SEC14L1: variants seen among roughly 807,000 people sequenced by gnomAD.
The protein encoded by SEC14L1 is SEC14 like lipid binding 1, also known as SEC14-like protein 1.
A neutral mutation model predicts 85.3 loss-of-function variants in SEC14L1; 48 were observed. The observed-to-expected ratio is 0.56, with a 90% CI of 0.45 to 0.72. SEC14L1 has a LOEUF of 0.72. Ranked by LOEUF, SEC14L1 falls within the 30% of genes least tolerant of loss-of-function variation. The pLI, the probability that SEC14L1 is intolerant of heterozygous loss-of-function variation, is 0.00. For missense variants in SEC14L1, 682 were observed against 921.4 expected, an observed-to-expected ratio of 0.74 and a Z score of 3.36; for synonymous variants, 391 against 355.5, an observed-to-expected ratio of 1.10 and a Z score of -1.12.
Position 77,213,579 on chromosome 17 carries a change from G to A in SEC14L1, c.2042+87G>A, listed in dbSNP as rs759463774. On this transcript the variant is annotated intron_variant, in intron 16 of 16. Coordinates refer to ENST00000436233, the MANE Select transcript of SEC14L1 (RefSeq NM_001143998.2). This position sits in a 1 kb window ranked among gnomAD's most constrained non-coding sequence, Gnocchi z 7.1. ...CAGTCCCACGCCGTGTGCAGGATCA[G>A]CAGTGGCGGCGGGTGTCAGGAATGC... The A allele has an allele frequency of 5.3e-6, 8 of 1,504,490 alleles. No individual in the cohort carries two copies. The highest frequency in any genetic ancestry group is 1.4e-5 in the African/African-American group (1 of 73,048). The allele number at this position is 1,504,490 out of a possible 1,614,324, so 93.2% of individuals were successfully genotyped here. A position where few individuals can be genotyped will look rare whatever the true frequency, so the allele number is the denominator to read the frequency against.
chr17:77,202,928 T>TAAAAAAAA (rs1452299295), intron 9 of SEC14L1, among the ~76,000 whole-genome samples: 13 of 82,986 alleles, frequency 1.6e-4, no homozygotes, highest in East Asian at 4.3e-4. Context: ...CTAAAAAAAA[T>TAAAAAAAA]AAAAAAATAA....
chr17:77,100,569 TG>T (rs1000060374), intron 3 of SEC14L1, among the ~76,000 whole-genome samples: 5 of 151,614 alleles, frequency 3.3e-5, no homozygotes, highest in African/African-American at 1.2e-4. Context: ...CCAGAGTAGC[TG>T]GGACTACAGG....
chr17:77,136,034 G>A (rs1422998905), upstream of SEC14L1, among the ~76,000 whole-genome samples: 2 of 146,594 alleles, frequency 1.4e-5, no homozygotes, highest in Non-Finnish European at 3.0e-5. Flanking sequence ...CACCACGCCC[G>A]GCTAATTTTT....
intron 3 of SEC14L1, among the ~76,000 whole-genome samples, chr17:77,166,140 T>A (rs78021156): frequency 6.6e-6 from 1 of 152,156 alleles, no homozygotes; most frequent in East Asian, 1.9e-4. Context: ...GAGATCTTGC[T>A]ATGTTGCCCA....
intron 13 of SEC14L1, among the ~76,000 whole-genome samples, chr17:77,207,795 C>A (rs1290993645): frequency 3.3e-5 from 5 of 152,190 alleles, no homozygotes; most frequent in Non-Finnish European, 7.3e-5. Flanking sequence ...AAGTGGTTCT[C>A]AACATACGTT....
chr17:77,207,476 G>A (rs1976525221), intron 13 of SEC14L1, among the ~76,000 whole-genome samples: 1 of 151,696 alleles, frequency 6.6e-6, no homozygotes, highest in Non-Finnish European at 1.5e-5. Flanking sequence ...TCTTGAGATG[G>A]AGTCTTGCTC....
In SEC14L1 at chr17:77,213,463, C is replaced by T; in HGVS notation, c.2013C>T (p.Tyr671=). 4 of 1,611,718 alleles carry T rather than the reference C, an allele frequency of 2.5e-6. No homozygotes were observed. The highest frequency in any genetic ancestry group is 3.4e-6 in the Non-Finnish European group (4 of 1,180,034). Residue 671 remains tyrosine, a synonymous_variant, in exon 16 of 17, where the codon TAC becomes TAT. Transcript: ENST00000436233. This position sits in a 1 kb window ranked among gnomAD's most constrained non-coding sequence, Gnocchi z 7.1. ...CGCACAAGTGTAAAGTGATGTACTA[C>T]ACCGAGGTGATCGGCTCGGAGGATT... ...VSSHKCKVMY[Y]TEVIGSEDFR...
At chr17:77,098,598 G>A (rs1256852658) in intron 3 of SEC14L1, among the ~76,000 whole-genome samples, 1 of 152,146 alleles carries the variant, frequency 6.6e-6, no homozygotes, top group African/African-American at 2.4e-5. Context: ...TGAGCCACAT[G>A]TCCTGCAGTA....
At chr17:77,174,548 G>C (rs912028229) in intron 3 of SEC14L1, among the ~76,000 whole-genome samples, 1 of 152,168 alleles carries the variant, frequency 6.6e-6, no homozygotes, top group African/African-American at 2.4e-5. Flanking sequence ...GAGTTACCTG[G>C]TCACTGTGGT....
chr17:77,214,224 A>G lies in SEC14L1; in HGVS notation c.*201A>G, dbSNP rs1046170781. The G allele has an allele frequency of 2.3e-5, 32 of 1,374,686 alleles. No homozygotes were observed. Among genetic ancestry groups the G allele is most frequent in the East Asian group, 5.5e-5 (2 of 36,544 alleles). 85.2% of individuals were successfully genotyped at this position (1,374,686 alleles called of 1,614,324 possible). A position where few individuals can be genotyped will look rare whatever the true frequency, so the allele number is the denominator to read the frequency against. ...TTAACTCTGATCCTAACTTAACTCA[A>G]TAGCCATAGATTTTGTATACGTTGT... On this transcript the variant is annotated 3_prime_UTR_variant, in exon 17 of 17. Transcript: ENST00000436233.
chr17:77,216,793 C>A lies in SEC14L1; in HGVS notation c.*2770C>A. ...AGGGTTTCCTCCCGAGTAATCCAATCTCACTCCCCTTGTAAGGGAATTCTG... is the reference window on the plus strand; with the variant it reads ...AGGGTTTCCTCCCGAGTAATCCAATATCACTCCCCTTGTAAGGGAATTCTG... On this transcript the variant is annotated 3_prime_UTR_variant, in exon 17 of 17. Transcript: ENST00000436233. The A allele has an allele frequency of 3.0e-6, 2 of 673,106 alleles. No homozygotes were observed. The highest frequency in any genetic ancestry group is 4.8e-6 in the Non-Finnish European group (2 of 418,522). 41.7% of individuals were successfully genotyped at this position (673,106 alleles called of 1,614,324 possible).
At chr17:77,204,833 G>A (rs1229726788) in intron 10 of SEC14L1, among the ~76,000 whole-genome samples, 1 of 152,172 alleles carries the variant, frequency 6.6e-6, no homozygotes, top group East Asian at 1.9e-4. Flanking sequence ...ATCTACAGGG[G>A]AGGGGTTTAT....
chr17:77,159,202 A>G (rs1598319465), intron 3 of SEC14L1, among the ~76,000 whole-genome samples: 2 of 108,504 alleles, frequency 1.8e-5, no homozygotes, highest in Non-Finnish European at 1.9e-5. Context: ...AGTAGCTGGG[A>G]TTACAGGTGT....
chr17:77,156,814 A>G (rs1343035579), intron 3 of SEC14L1, among the ~76,000 whole-genome samples: 1 of 152,206 alleles, frequency 6.6e-6, no homozygotes, highest in African/African-American at 2.4e-5. Context: ...TGAGTAAAAT[A>G]GTTCAGTGAA....
In SEC14L1 at chr17:77,203,581, C is replaced by T. The variant is rs1461447390; in HGVS notation, c.1021C>T (p.Leu341Phe). 2 of 1,613,542 alleles carry T rather than the reference C, an allele frequency of 1.2e-6. No homozygotes were observed. Among genetic ancestry groups the T allele is most frequent in the Middle Eastern group, 1.6e-4 (1 of 6,084 alleles). Residue 341 changes from leucine (L) to phenylalanine (F), a missense_variant, in exon 10 of 17, where the codon CTC becomes TTC. Physicochemically the swap from Leu to Phe is conservative, Grantham distance 22 (BLOSUM62 0). This residue lies in a region of SEC14L1 where 420 missense variants were observed against 619.5 expected (regional missense o/e 0.68). Coordinates refer to ENST00000436233, the MANE Select transcript of SEC14L1 (RefSeq NM_001143998.2). ...WHHHDKDGRP[L>F]YVLRLGQMDT... ...CCCCTCCTCTGCAGATGGGCGGCCCCTCTACGTGCTCAGGCTGGGGCAGAT... is the reference window on the plus strand; with the variant it reads ...CCCCTCCTCTGCAGATGGGCGGCCCTTCTACGTGCTCAGGCTGGGGCAGAT...
chr17:77,207,109 A>G (rs1209922401), intron 13 of SEC14L1, among the ~76,000 whole-genome samples: 5 of 152,256 alleles, frequency 3.3e-5, no homozygotes, highest in Non-Finnish European at 2.9e-5. Context: ...ATACGATTGC[A>G]GCTTGCTTTG....
At chr17:77,186,447 G>A (rs527832447) in intron 3 of SEC14L1, among the ~76,000 whole-genome samples, 34 of 152,358 alleles carry the variant, frequency 2.2e-4, no homozygotes, top group Admixed American at 6.5e-4. Context: ...CACGCAGAGC[G>A]TGTTCTCCCC....
At chr17:77,134,587 G>T (rs1197650986) in intron 3 of SEC14L1, among the ~76,000 whole-genome samples, 1 of 151,894 alleles carries the variant, frequency 6.6e-6, no homozygotes, top group Non-Finnish European at 1.5e-5. Context: ...CAAAAATTAG[G>T]CAGGTGTGGT....
chr17:77,113,375 C>T (rs1191560584), intron 3 of SEC14L1, among the ~76,000 whole-genome samples: 1 of 152,132 alleles, frequency 6.6e-6, no homozygotes, highest in Non-Finnish European at 1.5e-5. Context: ...GCCTTCCCAG[C>T]CAGCCTTCCC....
Sources: gnomAD v4.1 joint callset for allele counts (sites outside exome capture counted in the v4.1 genomes callset) on GRCh38, gnomAD v4.1.1 for gene constraint, gnomAD v4.1.1 regional missense constraint, Gnocchi (gnomAD v3.1) non-coding constraint, MANE v1.5 for transcripts, NCBI Gene and HGNC (gene_info 2026-07-23, HGNC 2026-07-21) for gene names.